The following STXBP5L variants were observed in gnomAD, a reference collection of about 807,000 sequenced individuals.
STXBP5L encodes the protein syntaxin-binding protein 5-like.
A neutral mutation model predicts 144.5 loss-of-function variants in STXBP5L; 65 were observed. The observed-to-expected ratio is 0.45, with a 90% CI of 0.37 to 0.55. The LOEUF is 0.55. Ranked by LOEUF, STXBP5L falls within the 20% of genes least tolerant of loss-of-function variation. The pLI, the probability that STXBP5L is intolerant of heterozygous loss-of-function variation, is 0.00. For synonymous variants in STXBP5L, 505 were observed against 469.6 expected (o/e 1.08, Z -0.97); for missense variants, 1,298 against 1,405.5 (o/e 0.92, Z 1.22).
intron 3 of STXBP5L, among the ~76,000 whole-genome samples, chr3:120,998,900 C>A (rs1943558841): frequency 6.6e-6 from 1 of 152,134 alleles, no homozygotes; most frequent in Admixed American, 6.6e-5. Context: ...ACTCCAATCT[C>A]ATGGATAGGA....
chr3:120,981,423 T>G (rs1941764800), intron 3 of STXBP5L, among the ~76,000 whole-genome samples: 1 of 152,178 alleles, frequency 6.6e-6, no homozygotes. Context: ...CTGGGTTAAT[T>G]AAAAAGCTCT....
At chr3:121,012,157 A>C (rs1270589539) in intron 3 of STXBP5L, among the ~76,000 whole-genome samples, 1 of 151,866 alleles carries the variant, frequency 6.6e-6, no homozygotes. Flanking sequence ...TTTTATTGGC[A>C]AATAAAATTC....
At chr3:120,953,012 G>A (rs1410018626) in intron 2 of STXBP5L, among the ~76,000 whole-genome samples, 1 of 151,656 alleles carries the variant, frequency 6.6e-6, no homozygotes, top group Non-Finnish European at 1.5e-5. Flanking sequence ...CTTGCCCAGG[G>A]TGGTATCGAA....
intron 10 of STXBP5L, among the ~76,000 whole-genome samples, chr3:121,212,704 T>G (rs1462871379): frequency 6.6e-6 from 1 of 152,216 alleles, no homozygotes; most frequent in Non-Finnish European, 1.5e-5. Flanking sequence ...CAGGCTCTTT[T>G]TTGCTTCCAT....
Position 121,125,460 on chromosome 3 carries a change from G to A in STXBP5L, c.669+3756G>A, listed in dbSNP as rs1440073896. ...CATTCCAGCCTGGGCAACAGAGCAAGACTCCATCTCAAAAAAAAAATCAAG... is the reference window on the plus strand; with the variant it reads ...CATTCCAGCCTGGGCAACAGAGCAAAACTCCATCTCAAAAAAAAAATCAAG... On this transcript the variant is annotated intron_variant, in intron 7 of 26. Transcript: ENST00000471454. Among the ~76,000 whole-genome samples, 3 of 151,852 alleles carry A rather than the reference G, an allele frequency of 2.0e-5. No individual in the cohort carries two copies. In the East Asian group the frequency reaches 5.8e-4, roughly 29 times the overall value.
At chr3:121,241,910 A>T (rs2049684095) in intron 14 of STXBP5L, among the ~76,000 whole-genome samples, 1 of 152,182 alleles carries the variant, frequency 6.6e-6, no homozygotes, top group Non-Finnish European at 1.5e-5. Flanking sequence ...ATGACATCTG[A>T]CCTATGGGGC....
intron 19 of STXBP5L, among the ~76,000 whole-genome samples, chr3:121,295,622 T>C (rs1185885647): frequency 6.6e-6 from 1 of 152,094 alleles, no homozygotes; most frequent in Non-Finnish European, 1.5e-5. Flanking sequence ...TTAATAGTAA[T>C]CTCATCGTGA....
intron 3 of STXBP5L, among the ~76,000 whole-genome samples, chr3:120,980,614 C>G (rs188630114): frequency 5.3e-5 from 8 of 152,030 alleles, no homozygotes; most frequent in Admixed American, 3.9e-4. Context: ...AGGTGGGTTT[C>G]TTATAAGAAG....
chr3:121,392,729 G>A (rs1045548638), intron 22 of STXBP5L, among the ~76,000 whole-genome samples: 7 of 142,450 alleles, frequency 4.9e-5, no homozygotes, highest in East Asian at 2.1e-4. Context: ...CAAGTATAAA[G>A]CAATGATTTC....
chr3:121,092,565 C>G (rs894178330), intron 5 of STXBP5L, among the ~76,000 whole-genome samples: 2 of 152,106 alleles, frequency 1.3e-5, no homozygotes, highest in Admixed American at 6.6e-5. Context: ...TGATTTGGCT[C>G]TCTGTTTGTC....
chr3:121,323,602 A>G (rs1465512481), intron 20 of STXBP5L, among the ~76,000 whole-genome samples: 1 of 152,214 alleles, frequency 6.6e-6, no homozygotes, highest in Non-Finnish European at 1.5e-5. Context: ...TCACTCAACT[A>G]TACATCAAAT....
chr3:121,286,273 C>A (rs1284183433), intron 19 of STXBP5L, among the ~76,000 whole-genome samples: 1 of 151,892 alleles, frequency 6.6e-6, no homozygotes, highest in Non-Finnish European at 1.5e-5. Context: ...GATAAGAGAA[C>A]TATCCAAGAA....
At chr3:121,105,953 T>G (rs1471290384) in intron 5 of STXBP5L, among the ~76,000 whole-genome samples, 1 of 152,090 alleles carries the variant, frequency 6.6e-6, no homozygotes, top group Admixed American at 6.6e-5. Context: ...TTTCTAAGAG[T>G]AAGTCAAAAG....
chr3:121,028,783 A>G (rs1946151536), intron 3 of STXBP5L, among the ~76,000 whole-genome samples: 6 of 152,020 alleles, frequency 3.9e-5, no homozygotes, highest in Admixed American at 3.9e-4. Context: ...TGCTTCCTTC[A>G]CTGAGCCAAA....
At position 121,358,046 on chromosome 3, in the gene STXBP5L, C is replaced by A. The variant is rs2045586095; in HGVS notation, c.2177-20670C>A. On this transcript the variant is annotated intron_variant, in intron 20 of 26. Coordinates refer to ENST00000471454, the MANE Select transcript of STXBP5L (RefSeq NM_001308330.2). ...GCACATGAGATGTTTTGATTACATG[C>A]AATGTGAAATAACCATATAATGGAC... 6 of 152,172 alleles carry A rather than the reference C, an allele frequency of 3.9e-5. No homozygotes were observed. In the South Asian group the frequency reaches 8.3e-4, roughly 21 times the overall value. The allele number at this position is 152,172 out of a possible 1,614,324, so 9.4% of individuals were successfully genotyped here.
intron 5 of STXBP5L, among the ~76,000 whole-genome samples, chr3:121,094,687 C>T (rs2043019780): frequency 1.3e-5 from 2 of 152,134 alleles, no homozygotes; most frequent in Non-Finnish European, 2.9e-5. Flanking sequence ...AGATGGTTTT[C>T]CTGAATACAA....
chr3:121,215,025 CCTG>C (rs759101134), intron 10 of STXBP5L, among the ~76,000 whole-genome samples: 11 of 151,910 alleles, frequency 7.2e-5, no homozygotes, highest in South Asian at 2.1e-4. Context: ...GATTGCAACC[CCTG>C]CTTTTTTTTT....
chr3:120,965,719 C>A (rs890250285), intron 3 of STXBP5L, among the ~76,000 whole-genome samples: 1 of 152,146 alleles, frequency 6.6e-6, no homozygotes, highest in African/African-American at 2.4e-5. Flanking sequence ...TTTTTTCCTT[C>A]ATTTCAACCT....
chr3:121,201,630 G>T (rs2048142140), intron 9 of STXBP5L, among the ~76,000 whole-genome samples: 1 of 148,856 alleles, frequency 6.7e-6, no homozygotes. Flanking sequence ...ATTTTTGTAT[G>T]TTTTTGCAGT....
Sources: gnomAD v4.1 joint callset for allele counts (sites outside exome capture counted in the v4.1 genomes callset) on GRCh38, gnomAD v4.1.1 for gene constraint, MANE v1.5 for transcripts, NCBI Gene and HGNC (gene_info 2026-07-23, HGNC 2026-07-21) for gene names.